OPRD1: variants seen among roughly 807,000 people sequenced by gnomAD.
OPRD1 encodes the protein delta-type opioid receptor.
In OPRD1, 19 loss-of-function variants were observed where a neutral mutation model predicts 17.5. That is an observed-to-expected ratio of 1.09 (90% CI 0.76 to 1.60). OPRD1 has a LOEUF of 1.60. Ranked by LOEUF, OPRD1 falls within the 40% of genes most tolerant of loss-of-function variation. OPRD1 has a pLI of 0.00. For missense variants in OPRD1, 483 were observed against 547.2 expected (o/e 0.88, Z 1.17); for synonymous variants, 256 against 240.9 (o/e 1.06, Z -0.58).
intron 1 of OPRD1, among the ~76,000 whole-genome samples, chr1:28,843,086 G>A (rs866002923): frequency 1.3e-5 from 2 of 152,146 alleles, no homozygotes; most frequent in Middle Eastern, 3.4e-3. Context: ...CTCCTAGAAA[G>A]CATCATTACA....
chr1:28,817,680 A>T (rs1309444251), intron 1 of OPRD1, among the ~76,000 whole-genome samples: 2 of 152,026 alleles, frequency 1.3e-5, no homozygotes, highest in Non-Finnish European at 2.9e-5. Flanking sequence ...CATGTCCCAG[A>T]GGTGTGGCTT....
Position 28,812,330 on chromosome 1 carries a change from C to A in OPRD1, c.-54C>A. 4.1e-6 allele frequency: 5 copies of A among 1,215,632 alleles called. No individual in the cohort carries two copies. Among genetic ancestry groups the A allele is most frequent in the Non-Finnish European group, 1.0e-6 (1 of 965,352 alleles). The allele number at this position is 1,215,632 out of a possible 1,614,324, so 75.3% of individuals were successfully genotyped here. A position where few individuals can be genotyped will look rare whatever the true frequency, so the allele number is the denominator to read the frequency against. ...CCTTGCCGCTCCCCTCGCGTCGGAT[C>A]CCCGCGCCCAGGGCGCACGGTGGAG... is the stretch of plus-strand genomic sequence containing the variant. On this transcript the variant is annotated 5_prime_UTR_variant, in exon 1 of 3. Coordinates refer to ENST00000234961, the MANE Select transcript of OPRD1 (RefSeq NM_000911.4).
intron 1 of OPRD1, among the ~76,000 whole-genome samples, chr1:28,838,709 A>C (rs185041827): frequency 5.9e-5 from 9 of 152,290 alleles, no homozygotes; most frequent in African/African-American, 2.2e-4. Context: ...CATGGCAGGC[A>C]TTACCTCATT....
intron 1 of OPRD1, among the ~76,000 whole-genome samples, chr1:28,848,178 G>A (rs2088969846): frequency 6.6e-6 from 1 of 152,110 alleles, no homozygotes. Context: ...GAACCTGGGA[G>A]GCGGAGGTTG....
Position 28,867,621 on chromosome 1 carries a change from T to C in OPRD1, c.*4338T>C, listed in dbSNP as rs890275777. ...CCTCCCAAAGTACTGGGTTTACAGGTGTGAGCCACTGTGCCCAGCTCTCAT... is the reference window on the plus strand; with the variant it reads ...CCTCCCAAAGTACTGGGTTTACAGGCGTGAGCCACTGTGCCCAGCTCTCAT... On this transcript the variant is annotated 3_prime_UTR_variant, in exon 3 of 3. Transcript: ENST00000234961. 2 of 152,194 alleles carry C rather than the reference T, an allele frequency of 1.3e-5. No individual in the cohort carries two copies. The highest frequency in any genetic ancestry group is 4.8e-5 in the African/African-American group (2 of 41,394). 9.4% of individuals were successfully genotyped at this position (152,194 alleles called of 1,614,324 possible).
intron 2 of OPRD1, among the ~76,000 whole-genome samples, chr1:28,861,437 T>A (rs2089118100): frequency 6.6e-6 from 1 of 151,908 alleles, no homozygotes; most frequent in Non-Finnish European, 1.5e-5. Flanking sequence ...AGGAAGGAAG[T>A]TTTGTTTTGT....
rs1423717425 is a variant in OPRD1 at position 28,812,346 on chromosome 1, C to T, written c.-38C>T. 8 of 1,274,202 alleles carry T rather than the reference C, an allele frequency of 6.3e-6. No individual in the cohort carries two copies. Among genetic ancestry groups the T allele is most frequent in the Non-Finnish European group, 8.0e-6 (8 of 1,006,078 alleles). 78.9% of individuals were successfully genotyped at this position (1,274,202 alleles called of 1,614,324 possible). On this transcript the variant is annotated 5_prime_UTR_variant, in exon 1 of 3. Transcript: ENST00000234961. ...GCGTCGGATCCCCGCGCCCAGGGCG[C>T]ACGGTGGAGAGGGACGCGGCGGAGC...
intron 1 of OPRD1, among the ~76,000 whole-genome samples, chr1:28,825,897 G>T (rs2088763735): frequency 6.6e-6 from 1 of 152,204 alleles, no homozygotes; most frequent in African/African-American, 2.4e-5. Context: ...TGTGAAATGG[G>T]GATGATAGAA....
At chr1:28,851,739 C>T (rs2147746034) in intron 1 of OPRD1, among the ~76,000 whole-genome samples, 1 of 151,986 alleles carries the variant, frequency 6.6e-6, no homozygotes, top group East Asian at 1.9e-4. Context: ...GGCGTGGTGG[C>T]TCATGCCTGT....
chr1:28,824,730 C>T (rs2088749740), intron 1 of OPRD1, among the ~76,000 whole-genome samples: 1 of 152,110 alleles, frequency 6.6e-6, no homozygotes, highest in South Asian at 2.1e-4. Context: ...GTGTTGCCCC[C>T]ATTGTATACA....
chr1:28,816,617 A>C (rs984837299), intron 1 of OPRD1, among the ~76,000 whole-genome samples: 1 of 151,976 alleles, frequency 6.6e-6, no homozygotes, highest in Non-Finnish European at 1.5e-5. Flanking sequence ...GGCTGGAGGG[A>C]ATGAGGCTTC....
intron 1 of OPRD1, among the ~76,000 whole-genome samples, chr1:28,817,926 G>A (rs1569601011): frequency 6.6e-6 from 1 of 151,936 alleles, no homozygotes; most frequent in South Asian, 2.1e-4. Flanking sequence ...CACCATGTTG[G>A]CCAGGCTGGT....
At chr1:28,840,896 G>T (rs1343503165) in intron 1 of OPRD1, among the ~76,000 whole-genome samples, 2 of 152,122 alleles carry the variant, frequency 1.3e-5, no homozygotes, top group African/African-American at 4.8e-5. Context: ...ACTCTAGCCT[G>T]GGAGACAGAA....
chr1:28,831,294 G>A (rs1020165048), intron 1 of OPRD1, among the ~76,000 whole-genome samples: 3 of 152,168 alleles, frequency 2.0e-5, no homozygotes, highest in African/African-American at 4.8e-5. Context: ...GGTGGATCAC[G>A]AGGTCAGGAG....
intron 1 of OPRD1, among the ~76,000 whole-genome samples, chr1:28,836,279 G>A (rs1300472388): frequency 2.6e-5 from 4 of 152,090 alleles, no homozygotes; most frequent in Admixed American, 6.6e-5. Flanking sequence ...ACTTTGGGAG[G>A]CCAAGGCGGG....
At chr1:28,833,248 C>T (rs763935778) in intron 1 of OPRD1, among the ~76,000 whole-genome samples, 12 of 152,214 alleles carry the variant, frequency 7.9e-5, no homozygotes, top group Non-Finnish European at 1.5e-4. Flanking sequence ...CAGCAAAGCC[C>T]CCCATGTGAT....
At chr1:28,856,583 G>T (rs2089059940) in intron 1 of OPRD1, among the ~76,000 whole-genome samples, 1 of 152,182 alleles carries the variant, frequency 6.6e-6, no homozygotes, top group Non-Finnish European at 1.5e-5. Flanking sequence ...ATATAGCCCT[G>T]TCTCGGGGTG....
At chr1:28,824,034 C>T (rs537560457) in intron 1 of OPRD1, among the ~76,000 whole-genome samples, 9 of 151,188 alleles carry the variant, frequency 6.0e-5, no homozygotes, top group African/African-American at 1.7e-4. Context: ...AAAAGTTAGC[C>T]GGGCGGTAGT....
At position 28,862,899 on chromosome 1, in the gene OPRD1, G is replaced by A; in HGVS notation, c.735G>A (p.Leu245=). 2 of 1,612,592 alleles carry A rather than the reference G, an allele frequency of 1.2e-6. No individual in the cohort carries two copies. Among genetic ancestry groups the A allele is most frequent in the Non-Finnish European group, 1.7e-6 (2 of 1,180,008 alleles). Residue 245 remains leucine (L), a synonymous_variant, in exon 3 of 3, where the codon CTG becomes CTA. Coordinates refer to ENST00000234961, the MANE Select transcript of OPRD1 (RefSeq NM_000911.4). ...TGCTGCGCCTGCGCAGTGTGCGCCT[G>A]CTGTCGGGCTCCAAGGAGAAGGACC... is the stretch of plus-strand genomic sequence containing the variant. ...LMLLRLRSVR[L]LSGSKEKDRS...
Sources: allele counts gnomAD v4.1 joint callset (sites outside exome capture counted in the v4.1 genomes callset), GRCh38; gene constraint gnomAD v4.1.1; transcripts MANE v1.5; gene names NCBI Gene and HGNC (gene_info 2026-07-23, HGNC 2026-07-21).